MEP1B: variants seen among roughly 807,000 people sequenced by gnomAD.
The protein encoded by MEP1B is N-benzoyl-L-tyrosyl-P-amino-benzoic acid hydrolase subunit beta.
Under a neutral mutation model 84.6 loss-of-function variants are expected in MEP1B, and 80 were observed. That is an observed-to-expected ratio of 0.95 (90% CI 0.79 to 1.14). The LOEUF (loss-of-function observed/expected upper bound fraction) is 1.14, where lower values mean the gene tolerates loss of function less well. MEP1B is among the 50% of genes most tolerant of loss of function. MEP1B has a pLI of 0.00. For missense variants in MEP1B, 766 were observed against 855.1 expected, an observed-to-expected ratio of 0.90 and a Z score of 1.30; for synonymous variants, 273 against 288.1, an observed-to-expected ratio of 0.95 and a Z score of 0.53.
chr18:32,197,079 T>C (rs2040863471), intron 5 of MEP1B: 2 of 159,054 alleles, frequency 1.3e-5, no homozygotes, highest in Non-Finnish European at 2.7e-5. Context: ...TTTATCAACA[T>C]TTTATTTTGC....
At chr18:32,211,896 T>C (rs534060770) in intron 10 of MEP1B, among the ~76,000 whole-genome samples, 1 of 152,006 alleles carries the variant, frequency 6.6e-6, no homozygotes, top group Non-Finnish European at 1.5e-5. Flanking sequence ...TTTTCAACAA[T>C]GAGAAACAAT....
intron 4 of MEP1B, 145 bp from the exon 5 acceptor site, chr18:32,195,262 C>A (rs1381641397): frequency 1.6e-5 from 8 of 498,430 alleles, no homozygotes; most frequent in African/African-American, 2.9e-5. Context: ...AAAAGTAGGG[C>A]TACACACACA....
At chr18:32,195,577 A>T in intron 5 of MEP1B, 92 bp downstream of exon 5, 1 of 828,266 alleles carries the variant, frequency 1.2e-6, no homozygotes, top group Non-Finnish European at 1.9e-6. Context: ...TATAGTCTTT[A>T]AGGTTTTGTT....
chr18:32,212,320 T>C lies in MEP1B; in HGVS notation c.1136-796T>C, dbSNP rs573266361. ...ATTTTCAAGTAACTGTGTTTCACAT[T>C]AAGTGCCAACATATTTTTGTTTTAA... On this transcript the variant is annotated intron_variant, in intron 10 of 14. Coordinates refer to ENST00000269202, the MANE Select transcript of MEP1B (RefSeq NM_005925.3). Among the ~76,000 whole-genome samples, 31 of 152,280 alleles carry C rather than the reference T, an allele frequency of 2.0e-4. No homozygotes were observed. In the East Asian group the frequency reaches 4.4e-3, roughly 22 times the overall value.
chr18:32,202,610 A>G (rs953904474), intron 5 of MEP1B, among the ~76,000 whole-genome samples: 2 of 152,196 alleles, frequency 1.3e-5, no homozygotes, highest in African/African-American at 2.4e-5. Flanking sequence ...TCCAATGGAT[A>G]TGTTCTCTGA....
chr18:32,203,902 G>A (rs938197943), intron 6 of MEP1B, among the ~76,000 whole-genome samples: 3 of 152,116 alleles, frequency 2.0e-5, no homozygotes, highest in East Asian at 3.9e-4. Flanking sequence ...TCACTATCGC[G>A]AAGACAGCAC....
At chr18:32,203,740 C>T (rs986265801) in intron 6 of MEP1B, among the ~76,000 whole-genome samples, 2 of 152,156 alleles carry the variant, frequency 1.3e-5, no homozygotes, top group Admixed American at 6.5e-5. Flanking sequence ...GTGTTGACAT[C>T]TGCTCAGCTT....
rs2040858496 is a variant in MEP1B at position 32,196,641 on chromosome 18, T to C, written c.250+1156T>C. The C allele has an allele frequency of 1.4e-6, 1 of 699,704 alleles. No homozygotes were observed. Among genetic ancestry groups the C allele is most frequent in the South Asian group, 1.5e-5 (1 of 66,396 alleles). The allele number at this position is 699,704 out of a possible 1,614,324, so 43.3% of individuals were successfully genotyped here. A position where few individuals can be genotyped will look rare whatever the true frequency, so the allele number is the denominator to read the frequency against. On this transcript the variant is annotated intron_variant, in intron 5 of 14. Coordinates refer to ENST00000269202, the MANE Select transcript of MEP1B (RefSeq NM_005925.3). This position sits in a 1 kb window ranked among gnomAD's most constrained non-coding sequence, Gnocchi z 4.4. ...CCTGTGCAGCACCCGCCTGATGTTG[T>C]CCAGCACGCCACCTCGGGGTGTCTT...
At chr18:32,209,757 T>A (rs954643056) in intron 9 of MEP1B, among the ~76,000 whole-genome samples, 4 of 152,082 alleles carry the variant, frequency 2.6e-5, no homozygotes, top group African/African-American at 9.7e-5. Context: ...TTTCTTTTTT[T>A]CTTCCTTCTT....
intron 8 of MEP1B, 56 bp from the exon 9 acceptor site, chr18:32,208,063 G>A (rs1396911664): frequency 1.3e-6 from 2 of 1,574,858 alleles, no homozygotes; most frequent in African/African-American, 1.4e-5. Flanking sequence ...TTCAGTTTTT[G>A]TTACTTAGAT....
At position 32,213,259 on chromosome 18, in the gene MEP1B, T is replaced by C. The variant is rs750876747; in HGVS notation, c.1279T>C (p.Cys427Arg). The change falls in exon 11 of 15, where the codon TGC (cysteine) becomes CGC (arginine). Residue 427 changes from cysteine (C) to arginine (R), a missense_variant. By Grantham distance (180) the Cys-to-Arg change is radical. Coordinates refer to ENST00000269202, the MANE Select transcript of MEP1B (RefSeq NM_005925.3). ...TGACATCAATCTTTCGGAAACACGGTGCCCTCATCATATCTGGCATATAAG... is the reference window on the plus strand; with the variant it reads ...TGACATCAATCTTTCGGAAACACGGCGCCCTCATCATATCTGGCATATAAG... ...IDDINLSETR[C>R]PHHIWHIRNF... 6.2e-7 allele frequency: 1 copy of C among 1,614,000 alleles called. No homozygotes were observed. The highest frequency in any genetic ancestry group is 8.5e-7 in the Non-Finnish European group (1 of 1,179,882).
chr18:32,211,797 A>G (rs1292873738), intron 10 of MEP1B, among the ~76,000 whole-genome samples: 1 of 152,050 alleles, frequency 6.6e-6, no homozygotes, highest in Non-Finnish European at 1.5e-5. Flanking sequence ...ATTCCACCTA[A>G]TCATCTCATG....
intron 14 of MEP1B, among the ~76,000 whole-genome samples, chr18:32,218,201 G>A (rs146468060): frequency 1.8e-4 from 27 of 152,314 alleles, no homozygotes; most frequent in Non-Finnish European, 2.8e-4. Context: ...ATTGTGTACA[G>A]TTGTGTGTGT....
intron 6 of MEP1B, among the ~76,000 whole-genome samples, chr18:32,203,788 G>C (rs934538241): frequency 3.9e-5 from 6 of 152,130 alleles, no homozygotes; most frequent in Admixed American, 6.5e-5. Context: ...CATAGTGGAA[G>C]GTGAGGGTGG....
intron 4 of MEP1B, among the ~76,000 whole-genome samples, chr18:32,193,625 G>C (rs980008162): frequency 6.6e-6 from 1 of 152,128 alleles, no homozygotes; most frequent in African/African-American, 2.4e-5. Flanking sequence ...AGCTAGCATA[G>C]TTTAAAATAT....
intron 5 of MEP1B, among the ~76,000 whole-genome samples, chr18:32,198,805 G>C (rs145828132): frequency 6.6e-6 from 1 of 152,192 alleles, no homozygotes; most frequent in Non-Finnish European, 1.5e-5. Flanking sequence ...TTGGGTTGAA[G>C]TATAGAAGAT....
chr18:32,220,097 T>C, intron 14 of MEP1B, 134 bp from the exon 15 acceptor site: 1 of 748,438 alleles, frequency 1.3e-6, no homozygotes, highest in South Asian at 1.8e-5. Context: ...CAGGAGCCAT[T>C]GCCAGCTAGG....
At position 32,192,698 on chromosome 18, in the gene MEP1B, G is replaced by T; in HGVS notation, c.127+8G>T. On this transcript the variant is annotated splice_region_variant and intron_variant, in intron 3 of 14. Coordinates refer to ENST00000269202, the MANE Select transcript of MEP1B (RefSeq NM_005925.3). ...TATTTGATATCAATGAAGGTTTGTG[G>T]ATTTTTTTTACATAATCTCTTAAGT... The T allele has an allele frequency of 6.2e-7, 1 of 1,612,904 alleles. No homozygotes were observed. Among genetic ancestry groups the T allele is most frequent in the Non-Finnish European group, 8.5e-7 (1 of 1,179,088 alleles).
At chr18:32,207,688 G>C (rs2040980201) in intron 8 of MEP1B, among the ~76,000 whole-genome samples, 1 of 152,050 alleles carries the variant, frequency 6.6e-6, no homozygotes, top group African/African-American at 2.4e-5. Context: ...AAACAAATTG[G>C]GTCCTGTAGG....
Sources: allele counts gnomAD v4.1 joint callset (sites outside exome capture counted in the v4.1 genomes callset), GRCh38; gene constraint gnomAD v4.1.1; non-coding constraint Gnocchi (gnomAD v3.1); transcripts MANE v1.5; gene names NCBI Gene and HGNC (gene_info 2026-07-23, HGNC 2026-07-21).